PLCL1: variants seen among roughly 807,000 people sequenced by gnomAD.
PLCL1 encodes inactive phospholipase C-like protein 1.
PLCL1 carries 41 observed loss-of-function variants against 84.4 expected under a neutral mutation model. That is an observed-to-expected ratio of 0.49 (90% CI 0.38 to 0.63). The LOEUF is 0.63. Ranked by LOEUF, PLCL1 falls within the 30% of genes least tolerant of loss-of-function variation. The pLI, the probability that PLCL1 is intolerant of heterozygous loss-of-function variation, is 0.00. For synonymous variants in PLCL1, 490 were observed against 488.3 expected (o/e 1.00, Z -0.05); for missense variants, 1,206 against 1,367.8 (o/e 0.88, Z 1.87).
chr2:198,054,617 C>T (rs1214306284), intron 1 of PLCL1, among the ~76,000 whole-genome samples: 1 of 152,164 alleles, frequency 6.6e-6, no homozygotes, highest in South Asian at 2.1e-4. Flanking sequence ...ACCAAGGGAC[C>T]AAGATGAGCA....
chr2:198,111,172 A>G (rs1179189646), intron 5 of PLCL1, among the ~76,000 whole-genome samples: 1 of 151,854 alleles, frequency 6.6e-6, no homozygotes, highest in Non-Finnish European at 1.5e-5. Context: ...AAAATCTACT[A>G]CAATATAACA....
At chr2:197,898,998 A>G (rs993207195) in intron 1 of PLCL1, among the ~76,000 whole-genome samples, 1 of 152,170 alleles carries the variant, frequency 6.6e-6, no homozygotes, top group Non-Finnish European at 1.5e-5. Context: ...TAACCAAAGT[A>G]ACAGCATATT....
chr2:198,071,930 A>C (rs1023845299), intron 1 of PLCL1, among the ~76,000 whole-genome samples: 3 of 151,834 alleles, frequency 2.0e-5, no homozygotes, highest in African/African-American at 7.2e-5. Flanking sequence ...TTTTTTGTTC[A>C]AATGAATACT....
intron 1 of PLCL1, among the ~76,000 whole-genome samples, chr2:197,922,660 C>T (rs1688728753): frequency 7.5e-6 from 1 of 133,342 alleles, no homozygotes; most frequent in South Asian, 2.5e-4. Context: ...CCCACCCCCC[C>T]ACCTCCCTCC....
chr2:197,999,737 G>A (rs1021773105), intron 1 of PLCL1, among the ~76,000 whole-genome samples: 3 of 152,122 alleles, frequency 2.0e-5, no homozygotes, highest in Non-Finnish European at 2.9e-5. Flanking sequence ...GGAAAGGAGG[G>A]GATGGACCAT....
In PLCL1 at chr2:198,084,831, C is replaced by T; in HGVS notation, c.1314C>T (p.Gly438=). 3 of 1,613,920 alleles carry T rather than the reference C, an allele frequency of 1.9e-6. No individual in the cohort carries two copies. Among genetic ancestry groups the T allele is most frequent in the Non-Finnish European group, 2.5e-6 (3 of 1,179,898 alleles). The change falls in exon 2 of 6, where the codon GGC becomes GGT. Residue 438 remains glycine, a synonymous_variant. Coordinates refer to ENST00000428675, the MANE Select transcript of PLCL1 (RefSeq NM_006226.4). Reference sequence around the variant, plus strand: ...GGTACATTAGAGCTTTGAAAATGGGCTGTCGAAGCGTTGAACTCGATGTAA... The same window carrying T: ...GGTACATTAGAGCTTTGAAAATGGGTTGTCGAAGCGTTGAACTCGATGTAA... ...INGYIRALKM[G]CRSVELDVSD...
chr2:198,054,336 CAT>C (rs946063951), intron 1 of PLCL1, among the ~76,000 whole-genome samples: 3 of 152,196 alleles, frequency 2.0e-5, no homozygotes, highest in African/African-American at 7.2e-5. Flanking sequence ...ACCTAACAGA[CAT>C]ATGCAGAATA....
In PLCL1 at chr2:197,925,929, A is replaced by T. The variant is rs536715134; in HGVS notation, c.240+120590A>T. Among the ~76,000 whole-genome samples, 24 of 152,258 alleles carry T rather than the reference A, an allele frequency of 1.6e-4. 1 individual carries two copies. The South Asian group carries it at 2.9e-3, about 18-fold the overall frequency. On this transcript the variant is annotated intron_variant, in intron 1 of 5. Coordinates refer to ENST00000428675, the MANE Select transcript of PLCL1 (RefSeq NM_006226.4). The stretch of plus-strand genomic sequence containing the variant: ...GTAGCACATCTGTCCTTTCTTCTGG[A>T]TCTTAAATACATTCTGAATGAAATT...
intron 3 of PLCL1, among the ~76,000 whole-genome samples, chr2:198,093,480 C>A (rs750802803): frequency 1.6e-4 from 24 of 152,130 alleles, no homozygotes; most frequent in Non-Finnish European, 3.4e-4. Flanking sequence ...ACCACCCCCC[C>A]AACCTACCAC....
chr2:198,145,233 C>T (rs901122875), intron 5 of PLCL1, among the ~76,000 whole-genome samples: 1 of 152,082 alleles, frequency 6.6e-6, no homozygotes, highest in African/African-American at 2.4e-5. Flanking sequence ...TTTTGTTGAG[C>T]AGACTCATTC....
rs778162357 is a variant in PLCL1 at position 198,084,139 on chromosome 2, G to A, written c.622G>A (p.Ala208Thr). The A allele has an allele frequency of 6.8e-6, 11 of 1,614,116 alleles. No individual in the cohort carries two copies. The Admixed American group carries it at 1.5e-4, about 22-fold the overall frequency. The change falls in exon 2 of 6, where the codon GCA becomes ACA. Residue 208 changes from alanine (A) to threonine (T), a missense_variant. Physicochemically the swap from Ala to Thr is moderately conservative, Grantham distance 58. Coordinates refer to ENST00000428675, the MANE Select transcript of PLCL1 (RefSeq NM_006226.4). ...YESLDLVANSADVANIWVSGL... is the reference protein window; with the variant it reads ...YESLDLVANSTDVANIWVSGL... ...GTCTCTGGACCTAGTTGCCAATTCA[G>A]CAGATGTGGCAAACATCTGGGTGTC...
intron 1 of PLCL1, among the ~76,000 whole-genome samples, chr2:198,055,329 C>CTCTCTCTCTG (rs374518934): frequency 1.4e-3 from 160 of 112,322 alleles, no homozygotes; most frequent in African/African-American, 4.2e-3. Flanking sequence ...CTCTCTCTCT[C>CTCTCTCTCTG]TGTGTGTGTG....
intron 1 of PLCL1, among the ~76,000 whole-genome samples, chr2:197,829,285 A>G (rs903263428): frequency 6.6e-6 from 1 of 152,220 alleles, no homozygotes. Flanking sequence ...AGAATCAAAT[A>G]AAGAATATCT....
At chr2:197,967,722 A>G (rs1221828876) in intron 1 of PLCL1, among the ~76,000 whole-genome samples, 3 of 152,188 alleles carry the variant, frequency 2.0e-5, no homozygotes, top group Non-Finnish European at 4.4e-5. Flanking sequence ...AAAATTACAT[A>G]TTCTCTCTTA....
At chr2:197,830,242 C>T (rs1181009280) in intron 1 of PLCL1, among the ~76,000 whole-genome samples, 1 of 151,870 alleles carries the variant, frequency 6.6e-6, no homozygotes, top group East Asian at 1.9e-4. Context: ...GGAGCATGTT[C>T]TAACCCAATG....
intron 1 of PLCL1, among the ~76,000 whole-genome samples, chr2:197,877,066 G>A (rs1687747928): frequency 1.3e-5 from 2 of 152,016 alleles, no homozygotes; most frequent in South Asian, 4.2e-4. Flanking sequence ...CAGAGGTCAG[G>A]CCTAACCAAA....
intron 1 of PLCL1, among the ~76,000 whole-genome samples, chr2:198,080,338 G>A (rs1028956134): frequency 1.3e-4 from 20 of 152,114 alleles, no homozygotes; most frequent in African/African-American, 4.6e-4. Flanking sequence ...TACCAAGAAG[G>A]AAAACTGATA....
At chr2:198,044,471 C>G (rs1691740385) in intron 1 of PLCL1, among the ~76,000 whole-genome samples, 1 of 152,190 alleles carries the variant, frequency 6.6e-6, no homozygotes, top group Non-Finnish European at 1.5e-5. Context: ...CAGGAGGAAT[C>G]CTGCGAAGCT....
intron 1 of PLCL1, among the ~76,000 whole-genome samples, chr2:197,915,810 C>A (rs1490482016): frequency 6.6e-6 from 1 of 152,104 alleles, no homozygotes; most frequent in Non-Finnish European, 1.5e-5. Flanking sequence ...CTTGGTGATG[C>A]GAAGGCTGAG....
Sources: gnomAD v4.1 joint callset for allele counts (sites outside exome capture counted in the v4.1 genomes callset) on GRCh38, gnomAD v4.1.1 for gene constraint, MANE v1.5 for transcripts, NCBI Gene and HGNC (gene_info 2026-07-23, HGNC 2026-07-21) for gene names.